The following SIN3B variants were observed in gnomAD, a reference collection of about 807,000 sequenced individuals.
SIN3B encodes the protein SIN3 transcription regulator family member B.
A neutral mutation model predicts 120.2 loss-of-function variants in SIN3B; 19 were observed. That is an observed-to-expected ratio of 0.16 (90% CI 0.11 to 0.23). The LOEUF is 0.23. Ranked by LOEUF, SIN3B falls within the 10% of genes least tolerant of loss-of-function variation. SIN3B has a pLI of 1.00. For missense variants in SIN3B, 1,073 were observed against 1,573.0 expected, an observed-to-expected ratio of 0.68 and a Z score of 5.38; for synonymous variants, 654 against 653.2, an observed-to-expected ratio of 1.00 and a Z score of -0.02.
chr19:16,867,739 C>G (rs77379139), intron 12 of SIN3B, among the ~76,000 whole-genome samples: 13,464 of 152,250 alleles, frequency 0.088, 818 homozygotes, highest in Middle Eastern at 0.15. Context: ...GCTGCTGGCC[C>G]AAGGCCTCTC....
chr19:16,865,475 G>A lies in SIN3B; in HGVS notation c.1449G>A (p.Leu483=), dbSNP rs773911. The A allele has an allele frequency of 8.9e-5, 144 of 1,613,476 alleles. No homozygotes were observed. The East Asian group carries it at 2.8e-3, about 31-fold the overall frequency. Residue 483 remains leucine, a synonymous_variant, in exon 11 of 19, where the codon CTG becomes CTA. Transcript: ENST00000248054. The part of the protein sequence containing the change: ...IRVLESVQKK[L]SRMAPEDQEK... ...TGTTGGAAAGTGTGCAGAAGAAGCT[G>A]TCTCGGATGGCGCCGGAAGACCAGG...
At chr19:16,860,625 G>A (rs368422300) in intron 8 of SIN3B, among the ~76,000 whole-genome samples, 11 of 146,776 alleles carry the variant, frequency 7.5e-5, no homozygotes, top group African/African-American at 2.8e-4. Context: ...TTTTGAGACG[G>A]AGTCTCGCTC....
rs1179728493 is a variant in SIN3B at position 16,864,837 on chromosome 19, A to AT, written c.1384-558dup. ...AAGAGCCCATCTATACAAAAAAAAA[A>AT]TTTTTTTTTTTTTTTGAGACAGAGT... On this transcript the variant is annotated intron_variant, in intron 10 of 18. Coordinates refer to ENST00000248054, the MANE Select transcript of SIN3B (RefSeq NM_001297595.2). Among the ~76,000 whole-genome samples, 268 of 142,172 alleles carry AT rather than the reference A, an allele frequency of 1.9e-3. 3 individuals are homozygous for AT. The highest frequency in any genetic ancestry group is 7.5e-3 in the East Asian group (35 of 4,670). The allele number at this position is 142,172 out of a possible 152,430, so 93.3% of individuals were successfully genotyped here. A position where few individuals can be genotyped will look rare whatever the true frequency, so the allele number is the denominator to read the frequency against.
rs560908186 is a variant in SIN3B, at chr19:16,865,295, T to A, written c.1384-115T>A. The A allele has an allele frequency of 1.9e-5, 11 of 588,074 alleles. No individual in the cohort carries two copies. The South Asian group carries it at 1.9e-4, about 10-fold the overall frequency. 36.4% of individuals were successfully genotyped at this position (588,074 alleles called of 1,614,324 possible). A position where few individuals can be genotyped will look rare whatever the true frequency, so the allele number is the denominator to read the frequency against. ...GGTGACAGAGCAAGACCCTATCTCTTAAATACACACACCCCCCCCCCAAAA... is the reference window on the plus strand; with the variant it reads ...GGTGACAGAGCAAGACCCTATCTCTAAAATACACACACCCCCCCCCCAAAA... On this transcript the variant is annotated intron_variant, in intron 10 of 18. Coordinates refer to ENST00000248054, the MANE Select transcript of SIN3B (RefSeq NM_001297595.2).
intron 8 of SIN3B, among the ~76,000 whole-genome samples, chr19:16,857,580 A>T (rs1971634570): frequency 7.2e-6 from 1 of 138,948 alleles, no homozygotes; most frequent in Non-Finnish European, 1.6e-5. Flanking sequence ...CATTTTTCTA[A>T]TGTAAAATAA....
intron 14 of SIN3B, chr19:16,872,600 C>A (rs959343569): frequency 6.6e-6 from 1 of 152,144 alleles, no homozygotes; most frequent in Non-Finnish European, 1.5e-5. Flanking sequence ...CGCACCACCA[C>A]GCCTGGCTAA....
Position 16,862,685 on chromosome 19 carries a change from G to A in SIN3B, c.1266+126G>A. On this transcript the variant is annotated intron_variant, in intron 9 of 18. Coordinates refer to ENST00000248054, the MANE Select transcript of SIN3B (RefSeq NM_001297595.2). The surrounding 1 kb of genome is among the most constrained non-coding windows in gnomAD (Gnocchi z 4.7). ...TCAGCCCTCCTGAATGTTGGGTTAT[G>A]GGTGGTGCTGGGATGTGGCCCGGCA... 8.8e-7 allele frequency: 1 copy of A among 1,141,006 alleles called. No homozygotes were observed. Among genetic ancestry groups the A allele is most frequent in the Non-Finnish European group, 1.3e-6 (1 of 773,336 alleles). The allele number at this position is 1,141,006 out of a possible 1,614,324, so 70.7% of individuals were successfully genotyped here. A position where few individuals can be genotyped will look rare whatever the true frequency, so the allele number is the denominator to read the frequency against.
intron 4 of SIN3B, among the ~76,000 whole-genome samples, chr19:16,843,090 C>G (rs988797334): frequency 6.6e-6 from 1 of 152,072 alleles, no homozygotes; most frequent in African/African-American, 2.4e-5. Context: ...TTTTTAGCAG[C>G]AGAACCCATT....
chr19:16,852,201 A>C (rs1005224602), intron 6 of SIN3B, among the ~76,000 whole-genome samples: 2 of 151,968 alleles, frequency 1.3e-5, no homozygotes, highest in African/African-American at 2.4e-5. Context: ...ATCTCGGCTC[A>C]CTGCAAGCTC....
chr19:16,880,150 C>A lies in SIN3B; in HGVS notation c.*1423C>A, dbSNP rs1330770284. The A allele has an allele frequency of 6.6e-6, 1 of 152,250 alleles. No individual in the cohort carries two copies. Among genetic ancestry groups the A allele is most frequent in the Non-Finnish European group, 1.5e-5 (1 of 68,052 alleles). 9.4% of individuals were successfully genotyped at this position (152,250 alleles called of 1,614,324 possible). A position where few individuals can be genotyped will look rare whatever the true frequency, so the allele number is the denominator to read the frequency against. On this transcript the variant is annotated 3_prime_UTR_variant, in exon 19 of 19. Transcript: ENST00000248054. ...AGGCCCACGGCCGTCTCGGGCAGAG[C>A]CACCTGGGCCCCGGGTGCAGCCGGA... is the stretch of plus-strand genomic sequence containing the variant.
rs149900697 is a variant in SIN3B at position 16,868,188 on chromosome 19, C to T, written c.1807-1272C>T. 4.1e-3 allele frequency among the ~76,000 whole-genome samples: 631 copies of T among 152,226 alleles called. 9 individuals carry two copies. Among genetic ancestry groups the T allele is most frequent in the African/African-American group, 0.014 (594 of 41,536 alleles). On this transcript the variant is annotated intron_variant, in intron 12 of 18. Coordinates refer to ENST00000248054, the MANE Select transcript of SIN3B (RefSeq NM_001297595.2). ...TATGGCATAAATGAGACCTGGGGGA[C>T]TTAGGAAGCAGTCAGAGGGCGATGG...
chr19:16,856,102 A>G (rs2144601209), intron 8 of SIN3B, among the ~76,000 whole-genome samples: 1 of 152,300 alleles, frequency 6.6e-6, no homozygotes, highest in East Asian at 1.9e-4. Context: ...CACAAAGAGA[A>G]GCCTCATTAG....
chr19:16,877,708 A>C, intron 17 of SIN3B, 69 bp downstream of exon 17: 5 of 1,131,192 alleles, frequency 4.4e-6, no homozygotes, highest in Non-Finnish European at 3.9e-6. Context: ...CTTTGTCCTG[A>C]CGGGGGCTGG....
In SIN3B at chr19:16,869,864, C is replaced by CGAT. The variant is rs767463284; in HGVS notation, c.2213_2215dup (p.Asp738dup). The CGAT allele has an allele frequency of 1.4e-5, 23 of 1,614,196 alleles. No individual in the cohort carries two copies. The highest frequency in any genetic ancestry group is 1.9e-5 in the Non-Finnish European group (22 of 1,180,028). ...CCCCAGCCCCGCACAAGCCCCTGGACGATGTCTACAGCCTATTTTTTGCCA... is the reference window on the plus strand; with the variant it reads ...CCCCAGCCCCGCACAAGCCCCTGGACGATGATGTCTACAGCCTATTTTTTGCCA... On this transcript the variant is annotated inframe_insertion, in exon 13 of 19. Coordinates refer to ENST00000248054, the MANE Select transcript of SIN3B (RefSeq NM_001297595.2).
At position 16,855,735 on chromosome 19, in the gene SIN3B, C is replaced by T. The variant is rs1971606637; in HGVS notation, c.1058+1474C>T. On this transcript the variant is annotated intron_variant, in intron 8 of 18. Transcript: ENST00000248054. ...GCAAGACTTTGTCTCAAAAACAAAA[C>T]AAAACAAAAAAATAATTCTAACCCT... The T allele has an allele frequency of 2.0e-5, 3 of 150,516 alleles. No homozygotes were observed. The South Asian group carries it at 6.3e-4, about 32-fold the overall frequency. 9.3% of individuals were successfully genotyped at this position (150,516 alleles called of 1,614,324 possible). A position where few individuals can be genotyped will look rare whatever the true frequency, so the allele number is the denominator to read the frequency against.
At chr19:16,840,113 T>C (rs1333346308) in intron 3 of SIN3B, among the ~76,000 whole-genome samples, 3 of 152,166 alleles carry the variant, frequency 2.0e-5, no homozygotes, top group Non-Finnish European at 4.4e-5. Flanking sequence ...GAATTGTCTC[T>C]GTACCCATTG....
Position 16,841,910 on chromosome 19 carries a change from G to A in SIN3B, c.524G>A (p.Arg175His). 2 of 1,613,998 alleles carry A rather than the reference G, an allele frequency of 1.2e-6. No individual in the cohort carries two copies. Among genetic ancestry groups the A allele is most frequent in the Non-Finnish European group, 1.7e-6 (2 of 1,179,998 alleles). ...AISYVNKIKT[R>H]FLDHPEIYRS... The stretch of plus-strand genomic sequence containing the variant: ...AGCTATGTGAATAAGATTAAAACCC[G>A]CTTCCTAGACCACCCAGAAATCTAC... Residue 175 changes from arginine (R) to histidine (H), a missense_variant, in exon 4 of 19, where the codon CGC becomes CAC. By Grantham distance (29) the Arg-to-His change is conservative. This residue lies in a region of SIN3B where 395 missense variants were observed against 528.0 expected (regional missense o/e 0.75). Coordinates refer to ENST00000248054, the MANE Select transcript of SIN3B (RefSeq NM_001297595.2).
chr19:16,863,009 C>T (rs777128278), intron 9 of SIN3B: 2 of 1,501,572 alleles, frequency 1.3e-6, no homozygotes, highest in South Asian at 1.1e-5. Flanking sequence ...CGGGCCCTGG[C>T]CCGCTGCCCG....
intron 4 of SIN3B, among the ~76,000 whole-genome samples, chr19:16,843,568 T>C (rs1038582892): frequency 6.6e-6 from 1 of 152,132 alleles, no homozygotes; most frequent in Non-Finnish European, 1.5e-5. Flanking sequence ...CTCCCAGGCT[T>C]TGTGGGGTCA....
Sources: gnomAD v4.1 joint callset for allele counts (sites outside exome capture counted in the v4.1 genomes callset) on GRCh38, gnomAD v4.1.1 for gene constraint, gnomAD v4.1.1 regional missense constraint, Gnocchi (gnomAD v3.1) non-coding constraint, MANE v1.5 for transcripts, NCBI Gene and HGNC (gene_info 2026-07-23, HGNC 2026-07-21) for gene names.